ATP10B: variants seen among roughly 807,000 people sequenced by gnomAD.
ATP10B encodes the protein ATPase phospholipid transporting 10B (putative).
In ATP10B, 122 loss-of-function variants were observed where a neutral mutation model predicts 141.2. The ratio of observed to expected loss-of-function variants is 0.86; its 90% CI spans 0.75 to 1.00. ATP10B has a LOEUF of 1.00. Among genes scored for constraint, ATP10B ranks in the 50% least tolerant of loss-of-function variants. The pLI is 0.00. For synonymous variants in ATP10B, 685 were observed against 692.0 expected, an observed-to-expected ratio of 0.99 and a Z score of 0.16; for missense variants, 1,876 against 1,825.3, an observed-to-expected ratio of 1.03 and a Z score of -0.51.
At chr5:160,834,555 G>A (rs536265646) in intron 1 of ATP10B, among the ~76,000 whole-genome samples, 60 of 152,228 alleles carry the variant, frequency 3.9e-4, no homozygotes, top group African/African-American at 1.4e-3. Context: ...TTTATGAAAT[G>A]CTATTGATGG....
intron 2 of ATP10B, among the ~76,000 whole-genome samples, chr5:160,736,432 GACCAATA>G (rs1326465674): frequency 1.3e-5 from 2 of 152,140 alleles, no homozygotes; most frequent in African/African-American, 4.8e-5. Flanking sequence ...AATCTGAACA[GACCAATA>G]ACAAGTAATA....
At chr5:160,869,354 T>TA in the ATP10B span, among the ~76,000 whole-genome samples, 81 of 152,180 alleles carry the variant, frequency 5.3e-4, no homozygotes, top group Admixed American at 3.9e-3. Flanking sequence ...CCCCTACCCC[T>TA]ATTTGGTTAA....
intron 2 of ATP10B, among the ~76,000 whole-genome samples, chr5:160,733,385 A>C (rs1156367922): frequency 6.6e-6 from 1 of 152,138 alleles, no homozygotes; most frequent in Non-Finnish European, 1.5e-5. Flanking sequence ...GGAGTCTAAG[A>C]AAAAGTAAAG....
chr5:160,708,418 C>A (rs1765150310), intron 3 of ATP10B, among the ~76,000 whole-genome samples: 1 of 152,130 alleles, frequency 6.6e-6, no homozygotes, highest in Admixed American at 6.6e-5. Context: ...TCAATTTTCT[C>A]AATCTTTTTA....
At chr5:160,669,117 T>A (rs1402970417) in intron 7 of ATP10B, among the ~76,000 whole-genome samples, 1 of 152,202 alleles carries the variant, frequency 6.6e-6, no homozygotes, top group African/African-American at 2.4e-5. Context: ...AATTGTACTC[T>A]TTTCCCTGGT....
intron 2 of ATP10B, among the ~76,000 whole-genome samples, chr5:160,731,277 C>T (rs1012038078): frequency 6.6e-6 from 1 of 152,166 alleles, no homozygotes; most frequent in Non-Finnish European, 1.5e-5. Context: ...TCAGAGCTAC[C>T]ATGTGGTCCT....
intron 1 of ATP10B, among the ~76,000 whole-genome samples, chr5:160,827,689 T>C (rs533238858): frequency 2.7e-4 from 41 of 152,336 alleles, no homozygotes; most frequent in African/African-American, 9.4e-4. Flanking sequence ...GGTTTTCTTC[T>C]AGGATTTTAA....
intron 2 of ATP10B, among the ~76,000 whole-genome samples, chr5:160,740,859 T>C (rs912043928): frequency 1.8e-4 from 27 of 152,116 alleles, no homozygotes; most frequent in Admixed American, 1.8e-3. Context: ...CTGACCTCCA[T>C]CCCCAACCTA....
At chr5:160,856,370 T>G (rs899774871), upstream of ATP10B, among the ~76,000 whole-genome samples, 2 of 151,980 alleles carry the variant, frequency 1.3e-5, 1 homozygote, top group South Asian at 4.1e-4. Context: ...TTCTGCAATT[T>G]TGGTGACTTG....
intron 24 of ATP10B, among the ~76,000 whole-genome samples, chr5:160,586,620 C>T (rs1404860244): frequency 2.0e-5 from 3 of 152,196 alleles, no homozygotes; most frequent in Admixed American, 6.5e-5. Flanking sequence ...CCTATTTCTC[C>T]ACTGCCTCGC....
intron 22 of ATP10B, among the ~76,000 whole-genome samples, chr5:160,594,051 G>C (rs971792582): frequency 6.1e-4 from 93 of 152,162 alleles, no homozygotes; most frequent in African/African-American, 1.9e-3. Context: ...CACAAAGATA[G>C]TCCTCGAGAA....
At chr5:160,708,032 TA>T (rs942976061) in intron 3 of ATP10B, among the ~76,000 whole-genome samples, 1 of 152,162 alleles carries the variant, frequency 6.6e-6, no homozygotes, top group African/African-American at 2.4e-5. Flanking sequence ...CCCTCTTCAT[TA>T]AACCTCAATT....
intron 13 of ATP10B, among the ~76,000 whole-genome samples, chr5:160,628,971 C>T (rs1431734569): frequency 6.6e-6 from 1 of 151,592 alleles, no homozygotes; most frequent in East Asian, 1.9e-4. Flanking sequence ...TTTGTTGTTG[C>T]TGTTTTTGTC....
rs1758400007 is a variant in ATP10B at position 160,622,435 on chromosome 5, T to C, written c.1771A>G (p.Asn591Asp). 5.6e-6 allele frequency: 9 copies of C among 1,613,858 alleles called. No individual in the cohort carries two copies. The highest frequency in any genetic ancestry group is 7.6e-6 in the Non-Finnish European group (9 of 1,179,982). ...ADFFLALTICNSVMVSTTTEP... is the reference protein window; with the variant it reads ...ADFFLALTICDSVMVSTTTEP... Reference sequence around the variant, plus strand: ...GTGGTTGTGGACACCATGACAGAGTTGCAGATGGTTAAGGCAAGGAAGAAA... The same window carrying C: ...GTGGTTGTGGACACCATGACAGAGTCGCAGATGGTTAAGGCAAGGAAGAAA... Residue 591 changes from asparagine (N) to aspartate (D), a missense_variant, in exon 14 of 26, where the codon AAC (asparagine) becomes GAC (aspartate). Physicochemically the swap from Asn to Asp is conservative, Grantham distance 23. Transcript: ENST00000327245.
chr5:160,578,741 T>C (rs547517626), intron 24 of ATP10B, among the ~76,000 whole-genome samples: 1 of 152,332 alleles, frequency 6.6e-6, no homozygotes, highest in South Asian at 2.1e-4. Flanking sequence ...GTATTTCTGG[T>C]TCTAGATCCT....
At chr5:160,785,531 C>T (rs777475608) in intron 2 of ATP10B, 28 bp downstream of exon 2, 1 of 523,796 alleles carries the variant, frequency 1.9e-6, no homozygotes, top group Admixed American at 2.4e-5. Context: ...TTCTAATGAC[C>T]CCACTGCCCA....
intron 2 of ATP10B, among the ~76,000 whole-genome samples, chr5:160,732,064 G>A (rs911186407): frequency 1.3e-5 from 2 of 152,264 alleles, no homozygotes; most frequent in East Asian, 1.9e-4. Flanking sequence ...TGACCTAGAT[G>A]TTGGAATTAA....
the ATP10B span, among the ~76,000 whole-genome samples, chr5:160,880,419 G>T: frequency 5.9e-5 from 9 of 152,006 alleles, no homozygotes; most frequent in Non-Finnish European, 8.8e-5. Flanking sequence ...ATTCCGAGAA[G>T]TTCTTTTGTG....
intron 11 of ATP10B, among the ~76,000 whole-genome samples, chr5:160,635,211 T>A (rs930726972): frequency 2.6e-5 from 4 of 152,056 alleles, no homozygotes; most frequent in African/African-American, 9.7e-5. Flanking sequence ...AACAGAGATA[T>A]GAGGAAGTCA....
Sources: allele counts gnomAD v4.1 joint callset (sites outside exome capture counted in the v4.1 genomes callset), GRCh38; gene constraint gnomAD v4.1.1; transcripts MANE v1.5; gene names NCBI Gene and HGNC (gene_info 2026-07-23, HGNC 2026-07-21).